SARM1: variants seen among roughly 807,000 people sequenced by gnomAD.
SARM1 encodes sterile alpha and TIR motif containing 1.
SARM1 carries 60 observed loss-of-function variants against 65.1 expected under a neutral mutation model. That is an observed-to-expected ratio of 0.92 (90% CI 0.75 to 1.14). The LOEUF is 1.14. Ranked by LOEUF, SARM1 falls within the 50% of genes most tolerant of loss-of-function variation. The pLI is 0.00. For synonymous variants in SARM1, 417 were observed against 465.4 expected (o/e 0.90, Z 1.34); for missense variants, 913 against 1,015.7 (o/e 0.90, Z 1.37).
rs1310612183 is a variant in SARM1, at chr17:28,402,868, T to G, written c.*6582T>G. The G allele has an allele frequency of 6.6e-6, 1 of 152,654 alleles. No individual in the cohort carries two copies. Among genetic ancestry groups the G allele is most frequent in the Admixed American group, 6.5e-5 (1 of 15,374 alleles). The allele number at this position is 152,654 out of a possible 1,614,324, so 9.5% of individuals were successfully genotyped here. On this transcript the variant is annotated 3_prime_UTR_variant, in exon 9 of 9. Coordinates refer to ENST00000585482, the MANE Select transcript of SARM1 (RefSeq NM_015077.4). ...CTACCTTATTTGGAAAATGAGTCTA[T>G]GCAGGTGTGCAGTTAAGCCTCCTGA...
In SARM1 at chr17:28,388,388, T is replaced by A; in HGVS notation, c.1772T>A (p.Val591Asp). The A allele has an allele frequency of 6.2e-7, 1 of 1,613,950 alleles. No individual in the cohort carries two copies. Among genetic ancestry groups the A allele is most frequent in the Non-Finnish European group, 8.5e-7 (1 of 1,179,884 alleles). Reference sequence around the variant, plus strand: ...CACCTGCAGCTGCATGGCTTCAGTGTCTTCATTGATGTGGAGAAGCTGGAA... The same window carrying A: ...CACCTGCAGCTGCATGGCTTCAGTGACTTCATTGATGTGGAGAAGCTGGAA... Reference protein sequence around the residue: ...KVHLQLHGFSVFIDVEKLEAG... With the variant: ...KVHLQLHGFSDFIDVEKLEAG... The change falls in exon 7 of 9, where the codon GTC becomes GAC. Residue 591 changes from valine (V) to aspartate (D), a missense_variant. Transcript: ENST00000585482.
chr17:28,380,074 G>GTC (rs1200675143), intron 1 of SARM1, among the ~76,000 whole-genome samples: 2 of 61,156 alleles, frequency 3.3e-5, no homozygotes, highest in Non-Finnish European at 6.6e-5. Flanking sequence ...TTTTTTTTCT[G>GTC]TCTCTCTCTC....
chr17:28,399,878 A>T lies in SARM1; in HGVS notation c.*3592A>T. On this transcript the variant is annotated 3_prime_UTR_variant, in exon 9 of 9. Coordinates refer to ENST00000585482, the MANE Select transcript of SARM1 (RefSeq NM_015077.4). ...GAGAGCTGGAGGACAATATCCAGGG[A>T]CATGGCTCTGGAAAATAACTTTTTT... The T allele has an allele frequency of 1.5e-6, 1 of 687,170 alleles. No homozygotes were observed. 42.6% of individuals were successfully genotyped at this position (687,170 alleles called of 1,614,324 possible).
At chr17:28,380,584 A>G (rs1029843957) in intron 1 of SARM1, among the ~76,000 whole-genome samples, 29 of 152,220 alleles carry the variant, frequency 1.9e-4, no homozygotes, top group Non-Finnish European at 2.9e-4. Flanking sequence ...TGGCTGGCAC[A>G]GGGGACGTCC....
In SARM1 at chr17:28,371,774, C is replaced by A. The variant is rs921254972; in HGVS notation, c.-259C>A. 11 of 377,696 alleles carry A rather than the reference C, an allele frequency of 2.9e-5. No homozygotes were observed. The highest frequency in any genetic ancestry group is 6.8e-4 in the Middle Eastern group (1 of 1,462). 23.4% of individuals were successfully genotyped at this position (377,696 alleles called of 1,614,324 possible). A position where few individuals can be genotyped will look rare whatever the true frequency, so the allele number is the denominator to read the frequency against. The stretch of plus-strand genomic sequence containing the variant: ...TCCTCTACCCTACGGCGTCCGGAGC[C>A]ATCCCTCGCCTGCTCGCTCTCTCCT... On this transcript the variant is annotated 5_prime_UTR_variant, in exon 1 of 9. Coordinates refer to ENST00000585482, the MANE Select transcript of SARM1 (RefSeq NM_015077.4).
chr17:28,381,797 C>G lies in SARM1; in HGVS notation c.1065C>G (p.Ile355Met), dbSNP rs782487571. The change falls in exon 2 of 9, where the codon ATC becomes ATG. Residue 355 changes from isoleucine (I) to methionine (M), a missense_variant. Physicochemically the swap from Ile to Met is conservative, Grantham distance 10. Transcript: ENST00000585482. ...TCTACCTCTGCGCCGAGGCTGCCATCAAGAGCCTGCAAGGCAAGACCAAGG... is the reference window on the plus strand; with the variant it reads ...TCTACCTCTGCGCCGAGGCTGCCATGAAGAGCCTGCAAGGCAAGACCAAGG... ...GAFYLCAEAA[I>M]KSLQGKTKVF... The G allele has an allele frequency of 2.4e-5, 35 of 1,452,002 alleles. No individual in the cohort carries two copies. Among genetic ancestry groups the G allele is most frequent in the Non-Finnish European group, 3.1e-5 (34 of 1,100,820 alleles). The allele number at this position is 1,452,002 out of a possible 1,614,324, so 89.9% of individuals were successfully genotyped here.
chr17:28,395,754 C>T (rs2068113211), intron 7 of SARM1, 151 bp from the exon 8 acceptor site: 2 of 745,758 alleles, frequency 2.7e-6, no homozygotes, highest in Non-Finnish European at 4.5e-6. Context: ...TATTACACTA[C>T]AAGGGTTAAG....
chr17:28,380,428 C>T (rs1439728531), intron 1 of SARM1, among the ~76,000 whole-genome samples: 1 of 152,250 alleles, frequency 6.6e-6, no homozygotes, highest in African/African-American at 2.4e-5. Context: ...CCTCCAGGCA[C>T]ACGCCATTAC....
intron 2 of SARM1, 109 bp downstream of exon 2, chr17:28,381,930 T>C (rs1037791698): frequency 1.5e-6 from 2 of 1,294,484 alleles, no homozygotes; most frequent in Non-Finnish European, 2.0e-6. Flanking sequence ...CAGAATTAGA[T>C]GAAGCAAGAC....
In SARM1 at chr17:28,391,091, G is replaced by A. The variant is rs1335926180; in HGVS notation, c.1923+2552G>A. Among the ~76,000 whole-genome samples the A allele has an allele frequency of 2.6e-5, 4 of 152,258 alleles. No homozygotes were observed. In the South Asian group the frequency reaches 6.2e-4, roughly 24 times the overall value. ...GAGGTGATGGGGTAGGGCTGGATTC[G>A]GTTGACACCAGAGATGATTGTATCT... On this transcript the variant is annotated intron_variant, in intron 7 of 8. Coordinates refer to ENST00000585482, the MANE Select transcript of SARM1 (RefSeq NM_015077.4).
rs2068175837 is a variant in SARM1, at chr17:28,399,913, A to C, written c.*3627A>C. The C allele has an allele frequency of 1.7e-6, 1 of 576,364 alleles. No individual in the cohort carries two copies. The highest frequency in any genetic ancestry group is 3.1e-6 in the Non-Finnish European group (1 of 321,874). The allele number at this position is 576,364 out of a possible 1,614,324, so 35.7% of individuals were successfully genotyped here. A position where few individuals can be genotyped will look rare whatever the true frequency, so the allele number is the denominator to read the frequency against. On this transcript the variant is annotated 3_prime_UTR_variant, in exon 9 of 9. Transcript: ENST00000585482. ...GGAAAATAACTTTTTTTTTTTTAAG[A>C]GACAGGGTCTTGCTCTGTTGTCCAG...
In SARM1 at chr17:28,384,635, C is replaced by T. The variant is rs1413536216; in HGVS notation, c.1302+66C>T. The T allele has an allele frequency of 2.1e-5, 30 of 1,433,836 alleles. No individual in the cohort carries two copies. The highest frequency in any genetic ancestry group is 2.2e-5 in the Non-Finnish European group (23 of 1,062,908). The allele number at this position is 1,433,836 out of a possible 1,614,324, so 88.8% of individuals were successfully genotyped here. A position where few individuals can be genotyped will look rare whatever the true frequency, so the allele number is the denominator to read the frequency against. ...GCGCCCTGTGCACAGGGACTGCGTT[C>T]CCTCCCCGCCTCGCAATCCCGCGGC... On this transcript the variant is annotated intron_variant, in intron 3 of 8. Coordinates refer to ENST00000585482, the MANE Select transcript of SARM1 (RefSeq NM_015077.4). This position sits in a 1 kb window ranked among gnomAD's most constrained non-coding sequence, Gnocchi z 4.4.
rs544691854 is a variant in SARM1 at position 28,398,120 on chromosome 17, C to G, written c.*1834C>G. 1 of 152,506 alleles carries G rather than the reference C, an allele frequency of 6.6e-6. No individual in the cohort carries two copies. Among genetic ancestry groups the G allele is most frequent in the South Asian group, 2.1e-4 (1 of 4,824 alleles). 9.4% of individuals were successfully genotyped at this position (152,506 alleles called of 1,614,324 possible). On this transcript the variant is annotated 3_prime_UTR_variant, in exon 9 of 9. Transcript: ENST00000585482. ...CAAGCAGGGCAGCCTGGACACTGCC[C>G]TCACAGGACAGCGCCAATAACAATA...
At chr17:28,378,539 T>C (rs2068005530) in intron 1 of SARM1, among the ~76,000 whole-genome samples, 1 of 152,278 alleles carries the variant, frequency 6.6e-6, no homozygotes, top group South Asian at 2.1e-4. Context: ...CATGTATTTT[T>C]AATGTATATT....
At chr17:28,394,798 A>G (rs1224676111) in intron 7 of SARM1, 2 of 152,182 alleles carry the variant, frequency 1.3e-5, no homozygotes, top group African/African-American at 2.4e-5. Flanking sequence ...CAAACTGGAG[A>G]AGTTAAGGTT....
chr17:28,387,084 G>T (rs957373301), intron 5 of SARM1, among the ~76,000 whole-genome samples: 1 of 152,118 alleles, frequency 6.6e-6, no homozygotes, highest in South Asian at 2.1e-4. Flanking sequence ...GGCAAAAATA[G>T]CTTACAAAAA....
chr17:28,388,591 A>C, intron 7 of SARM1, 52 bp downstream of exon 7: 11 of 1,566,410 alleles, frequency 7.0e-6, no homozygotes, highest in Non-Finnish European at 9.5e-6. Flanking sequence ...GTGGTCCAGA[A>C]GATAGGGTCG....
rs1555585152 is a variant in SARM1, at chr17:28,381,210, G to A, written c.478G>A (p.Val160Met). 6.3e-7 allele frequency: 1 copy of A among 1,598,786 alleles called. No homozygotes were observed. Among genetic ancestry groups the A allele is most frequent in the Non-Finnish European group, 8.5e-7 (1 of 1,172,934 alleles). The change falls in exon 2 of 9, where the codon GTG becomes ATG. Residue 160 changes from valine (V) to methionine (M), a missense_variant. Val to Met is a conservative substitution (Grantham distance 21, BLOSUM62 1). Transcript: ENST00000585482. ...TCCACTTTCACTGGGCAGAGACCGC[G>A]TGGCGCGCATTGGGCTGGGCGTGAT... Reference protein sequence around the residue: ...QILVAENRDRVARIGLGVILN... With the variant: ...QILVAENRDRMARIGLGVILN...
intron 1 of SARM1, chr17:28,373,890 G>T (rs1458580549): frequency 6.6e-6 from 1 of 152,208 alleles, no homozygotes; most frequent in African/African-American, 2.4e-5. Flanking sequence ...AGTGTCCCTG[G>T]TCTCAAGAAA....
Sources: allele counts gnomAD v4.1 joint callset (sites outside exome capture counted in the v4.1 genomes callset), GRCh38; gene constraint gnomAD v4.1.1; non-coding constraint Gnocchi (gnomAD v3.1); transcripts MANE v1.5; gene names NCBI Gene and HGNC (gene_info 2026-07-23, HGNC 2026-07-21).